The following SLC22A23 variants were observed in gnomAD, a reference collection of about 807,000 sequenced individuals.
SLC22A23 encodes ion transporter protein.
A neutral mutation model predicts 61.0 loss-of-function variants in SLC22A23; 26 were observed. That is an observed-to-expected ratio of 0.43 (90% confidence interval 0.31 to 0.59). The LOEUF (loss-of-function observed/expected upper bound fraction) is 0.59. Ranked by LOEUF, SLC22A23 falls within the 20% of genes least tolerant of loss-of-function variation. The probability of loss-of-function intolerance (pLI) is 0.11; values close to 1 mark genes in which losing one functional copy is unlikely to be tolerated. For synonymous variants in SLC22A23, 430 were observed against 413.9 expected, an observed-to-expected ratio of 1.04 and a Z score of -0.47; for missense variants, 796 against 934.7, an observed-to-expected ratio of 0.85 and a Z score of 1.94.
At chr6:3,331,554 G>C (rs138584133) in intron 3 of SLC22A23, among the ~76,000 whole-genome samples, 224 of 152,274 alleles carry the variant, frequency 1.5e-3, no homozygotes, top group African/African-American at 5.1e-3. Flanking sequence ...ATAATAATTT[G>C]AGGAAAATCA....
intron 1 of SLC22A23, among the ~76,000 whole-genome samples, chr6:3,451,163 C>A (rs1263861351): frequency 6.6e-6 from 1 of 152,220 alleles, no homozygotes; most frequent in Non-Finnish European, 1.5e-5. Flanking sequence ...TAGAAACCAA[C>A]AGATTCAGTC....
intron 3 of SLC22A23, among the ~76,000 whole-genome samples, chr6:3,366,778 C>A (rs9378364): frequency 0.31 from 46,766 of 151,996 alleles, 7,894 homozygotes; most frequent in East Asian, 0.52. Context: ...CGACCTCATC[C>A]CCAGCAGAAG....
chr6:3,304,232 G>A lies in SLC22A23; in HGVS notation c.1083-6014C>T, dbSNP rs899048763. The stretch of plus-strand genomic sequence containing the variant: ...GCCCAGTGGTGCAAGGGCAGACAGG[G>A]CTCTGAGACTCTGCCTGCTCCTCAG... On this transcript the variant is annotated intron_variant, in intron 4 of 9. Coordinates refer to ENST00000406686, the MANE Select transcript of SLC22A23 (RefSeq NM_015482.2). This position sits in a 1 kb window ranked among gnomAD's most constrained non-coding sequence, Gnocchi z 4.3. 1.3e-5 allele frequency among the ~76,000 whole-genome samples: 2 copies of A among 152,200 alleles called. No homozygotes were observed. Among genetic ancestry groups the A allele is most frequent in the African/African-American group, 4.8e-5 (2 of 41,448 alleles).
intron 1 of SLC22A23, among the ~76,000 whole-genome samples, chr6:3,445,301 C>T (rs1007759172): frequency 2.0e-5 from 3 of 152,078 alleles, no homozygotes; most frequent in South Asian, 2.1e-4. Flanking sequence ...CAGGTTCAAG[C>T]AATTGTCCTG....
Position 3,455,896 on chromosome 6 carries a change from C to A in SLC22A23, c.654+10G>T. 3 of 1,483,812 alleles carry A rather than the reference C, an allele frequency of 2.0e-6. No homozygotes were observed. In the South Asian group the frequency reaches 4.0e-5, roughly 20 times the overall value. 91.9% of individuals were successfully genotyped at this position (1,483,812 alleles called of 1,614,324 possible). Reference sequence around the variant, plus strand: ...GAGGGTTGGAGGGACTGGGCGGCTGCGGCCCTTACCTTGCTGACCACGTTC... The same window carrying A: ...GAGGGTTGGAGGGACTGGGCGGCTGAGGCCCTTACCTTGCTGACCACGTTC... On this transcript the variant is annotated intron_variant, in intron 1 of 9. Transcript: ENST00000406686.
intron 3 of SLC22A23, among the ~76,000 whole-genome samples, chr6:3,397,389 C>T (rs886807865): frequency 3.9e-5 from 6 of 152,206 alleles, no homozygotes; most frequent in African/African-American, 1.2e-4. Flanking sequence ...GGCCAGGCTC[C>T]CTGGCGAGAG....
chr6:3,351,087 T>G (rs1390687066), intron 3 of SLC22A23, among the ~76,000 whole-genome samples: 1 of 152,066 alleles, frequency 6.6e-6, no homozygotes, highest in Non-Finnish European at 1.5e-5. Flanking sequence ...CACTTAAAAT[T>G]CAAGAAACCC....
chr6:3,310,713 T>C (rs1393038470), intron 4 of SLC22A23, among the ~76,000 whole-genome samples: 3 of 152,220 alleles, frequency 2.0e-5, no homozygotes, highest in Non-Finnish European at 4.4e-5. Context: ...AATAAATTAT[T>C]CCTCTATCCA....
intron 5 of SLC22A23, chr6:3,290,382 T>C: frequency 5.1e-6 from 1 of 195,326 alleles, no homozygotes; most frequent in South Asian, 9.6e-5. Flanking sequence ...TAGCTACTTC[T>C]GCTGAAACTG....
intron 1 of SLC22A23, among the ~76,000 whole-genome samples, chr6:3,439,973 A>G (rs1771482289): frequency 6.6e-6 from 1 of 152,148 alleles, no homozygotes; most frequent in Non-Finnish European, 1.5e-5. Context: ...AGGCAGGCAG[A>G]GACCGTGAAA....
At position 3,396,666 on chromosome 6, in the gene SLC22A23, G is replaced by A. The variant is rs1006935912; in HGVS notation, c.913+13522C>T. Among the ~76,000 whole-genome samples the A allele has an allele frequency of 2.0e-5, 3 of 152,322 alleles. No individual in the cohort carries two copies. In the South Asian group the frequency reaches 6.2e-4, roughly 32 times the overall value. On this transcript the variant is annotated intron_variant, in intron 3 of 9. Transcript: ENST00000406686. ...ACACACAGGCGGCTGGATGTTGAGA[G>A]GAATGCCCCAGCAGGCACCGGCATG...
rs748797365 is a variant in SLC22A23, at chr6:3,272,822, TACAC to T, written c.*229_*232del. The T allele has an allele frequency of 2.0e-5, 9 of 455,184 alleles. No homozygotes were observed. The highest frequency in any genetic ancestry group is 1.8e-4 in the African/African-American group (9 of 49,718). The allele number at this position is 455,184 out of a possible 1,614,324, so 28.2% of individuals were successfully genotyped here. A position where few individuals can be genotyped will look rare whatever the true frequency, so the allele number is the denominator to read the frequency against. On this transcript the variant is annotated 3_prime_UTR_variant, in exon 10 of 10. Coordinates refer to ENST00000406686, the MANE Select transcript of SLC22A23 (RefSeq NM_015482.2). ...TTCTCGTAAAAATGACCAAAATAAA[TACAC>T]ACATTTAACGGCAGAAAAGAAAGTC... is the stretch of plus-strand genomic sequence containing the variant.
At chr6:3,404,398 C>T (rs1019911245) in intron 3 of SLC22A23, among the ~76,000 whole-genome samples, 5 of 152,154 alleles carry the variant, frequency 3.3e-5, no homozygotes, top group Non-Finnish European at 7.3e-5. Context: ...TTTTAATATG[C>T]AGGTGAGATG....
chr6:3,299,570 C>G (rs764133583), intron 4 of SLC22A23, among the ~76,000 whole-genome samples: 4 of 152,186 alleles, frequency 2.6e-5, no homozygotes, highest in Admixed American at 2.0e-4. Flanking sequence ...GTTTTATTAT[C>G]AATTAATTTT....
intron 3 of SLC22A23, among the ~76,000 whole-genome samples, chr6:3,381,318 A>G (rs1003413612): frequency 1.3e-5 from 2 of 148,656 alleles, no homozygotes; most frequent in African/African-American, 4.9e-5. Context: ...GCACTGTAGT[A>G]CAGTGGGGGC....
intron 3 of SLC22A23, among the ~76,000 whole-genome samples, chr6:3,397,262 T>C (rs1224232856): frequency 1.3e-5 from 2 of 152,224 alleles, no homozygotes; most frequent in Non-Finnish European, 2.9e-5. Context: ...AGTGCTCATA[T>C]CACAGAATTA....
chr6:3,337,890 A>C (rs969905801), intron 3 of SLC22A23, among the ~76,000 whole-genome samples: 13 of 152,260 alleles, frequency 8.5e-5, no homozygotes, highest in African/African-American at 3.1e-4. Flanking sequence ...GTTGAAGGCA[A>C]TTGGAGAAAG....
At chr6:3,384,397 AAAT>A (rs1767150687) in intron 3 of SLC22A23, among the ~76,000 whole-genome samples, 1 of 152,242 alleles carries the variant, frequency 6.6e-6, no homozygotes, top group Admixed American at 6.5e-5. Context: ...CGAATGCTGT[AAAT>A]ACTTTATAAA....
chr6:3,428,947 G>T (rs1468995373), intron 1 of SLC22A23, among the ~76,000 whole-genome samples: 1 of 149,608 alleles, frequency 6.7e-6, no homozygotes, highest in Non-Finnish European at 1.5e-5. Context: ...TGCATCATGA[G>T]TCCTGAAGAG....
Sources: gnomAD v4.1 joint callset for allele counts (sites outside exome capture counted in the v4.1 genomes callset) on GRCh38, gnomAD v4.1.1 for gene constraint, Gnocchi (gnomAD v3.1) non-coding constraint, MANE v1.5 for transcripts, NCBI Gene and HGNC (gene_info 2026-07-23, HGNC 2026-07-21) for gene names.